Variants in SAAL1 observed in about 807,000 individuals in gnomAD.
SAAL1 encodes serum amyloid A like 1.
SAAL1 carries 42 observed loss-of-function variants against 59.8 expected under a neutral mutation model. That is an observed-to-expected ratio of 0.70 (90% CI 0.55 to 0.91). The LOEUF (loss-of-function observed/expected upper bound fraction) is 0.91, where lower values mean the gene tolerates loss of function less well. Among genes scored for constraint, SAAL1 ranks in the 40% least tolerant of loss-of-function variants. SAAL1 has a pLI of 0.00. For synonymous variants in SAAL1, 191 were observed against 194.3 expected, an observed-to-expected ratio of 0.98 and a Z score of 0.14; for missense variants, 542 against 561.1, an observed-to-expected ratio of 0.97 and a Z score of 0.34.
Position 18,083,561 on chromosome 11 carries a change from A to T in SAAL1, c.1213T>A (p.Ser405Thr). The change falls in exon 10 of 12, where the codon TCT becomes ACT. Residue 405 changes from serine (S) to threonine (T), a missense_variant. Physicochemically the swap from Ser to Thr is moderately conservative, Grantham distance 58. Coordinates refer to ENST00000524803, the MANE Select transcript of SAAL1 (RefSeq NM_138421.3). ...ILKDILCEFL[S>T]NIFQALTKET... is the part of the protein sequence containing the mutation. ...TTTGTTAATGCCTGAAAAATATTAG[A>T]AAGAAATTCACATAAAATATCCTTT... 6.3e-7 allele frequency: 1 copy of T among 1,585,502 alleles called. No individual in the cohort carries two copies. Among genetic ancestry groups the T allele is most frequent in the Non-Finnish European group, 8.6e-7 (1 of 1,156,290 alleles).
At chr11:18,105,527 T>C (rs1000105033) in intron 1 of SAAL1, among the ~76,000 whole-genome samples, 16 of 152,082 alleles carry the variant, frequency 1.1e-4, no homozygotes, top group African/African-American at 3.9e-4. Flanking sequence ...CCATTTATTC[T>C]ATTACAACGA....
At chr11:18,082,208 A>G (rs900511420) in intron 10 of SAAL1, among the ~76,000 whole-genome samples, 1 of 152,216 alleles carries the variant, frequency 6.6e-6, no homozygotes, top group African/African-American at 2.4e-5. Flanking sequence ...GAATGGGAAA[A>G]AAATACATGC....
At chr11:18,093,508 AAAG>A (rs1391480801) in intron 3 of SAAL1, among the ~76,000 whole-genome samples, 10 of 152,172 alleles carry the variant, frequency 6.6e-5, no homozygotes, top group Admixed American at 2.0e-4. Flanking sequence ...AAGAAGTTGA[AAAG>A]AACTTAAGAA....
intron 9 of SAAL1, among the ~76,000 whole-genome samples, chr11:18,084,827 G>A (rs990008005): frequency 3.3e-5 from 5 of 152,316 alleles, no homozygotes; most frequent in East Asian, 1.9e-4. Flanking sequence ...GTACAATGGC[G>A]TGATTTCAGC....
intron 7 of SAAL1, among the ~76,000 whole-genome samples, 200 bp downstream of exon 7, chr11:18,089,130 C>G (rs763533040): frequency 1.3e-5 from 2 of 152,102 alleles, no homozygotes; most frequent in Non-Finnish European, 2.9e-5. Flanking sequence ...TGAGTAACAG[C>G]CTATAGCTAA....
In SAAL1 at chr11:18,086,916, G is replaced by A. The variant is rs771003267; in HGVS notation, c.992C>T (p.Ser331Phe). 1.9e-6 allele frequency: 3 copies of A among 1,613,940 alleles called. No individual in the cohort carries two copies. Among genetic ancestry groups the A allele is most frequent in the African/African-American group, 1.3e-5 (1 of 74,926 alleles). ...TVLASVFSVL[S>F]AIYASQTEQE... ...CTCAGTCTGTGAGGCATAGATGGCAGACAACACTGAAAAAACAGAGGCTAG... is the reference window on the plus strand; with the variant it reads ...CTCAGTCTGTGAGGCATAGATGGCAAACAACACTGAAAAAACAGAGGCTAG... Residue 331 changes from serine to phenylalanine, a missense_variant, in exon 9 of 12, where the codon TCT becomes TTT. By Grantham distance (155) the Ser-to-Phe change is radical. Transcript: ENST00000524803.
At chr11:18,102,373 G>A (rs146664106) in intron 2 of SAAL1, among the ~76,000 whole-genome samples, 2 of 149,964 alleles carry the variant, frequency 1.3e-5, no homozygotes, top group East Asian at 3.9e-4. Flanking sequence ...CTGTACTCCA[G>A]CCTAGGTGAT....
Position 18,103,274 on chromosome 11 carries a change from C to T in SAAL1, c.208G>A (p.Glu70Lys). The change falls in exon 2 of 12, where the codon GAG (glutamate) becomes AAG (lysine). Residue 70 changes from glutamate to lysine, a missense_variant. Transcript: ENST00000524803. ...TCCCATACTCTGCAAATTTCATTCT[C>T]CATTTCTTCATCAAGCTCCGTCAGC... ...EQLTELDEEM[E>K]NEICRVWDMS... The T allele has an allele frequency of 6.2e-7, 1 of 1,614,018 alleles. No individual in the cohort carries two copies. Among genetic ancestry groups the T allele is most frequent in the Non-Finnish European group, 8.5e-7 (1 of 1,179,970 alleles).
intron 2 of SAAL1, among the ~76,000 whole-genome samples, chr11:18,099,953 G>C (rs1848618255): frequency 6.6e-6 from 1 of 152,196 alleles, no homozygotes; most frequent in East Asian, 1.9e-4. Flanking sequence ...GCTCAGTTCT[G>C]AGTGGTGCCT....
At chr11:18,093,891 G>T (rs548327736) in intron 3 of SAAL1, 1 of 152,328 alleles carries the variant, frequency 6.6e-6, no homozygotes, top group African/African-American at 2.4e-5. Flanking sequence ...AAAGGAGAAA[G>T]CAGTTGAACT....
chr11:18,103,470 C>T, intron 1 of SAAL1, 124 bp from the exon 2 acceptor site: 1 of 726,942 alleles, frequency 1.4e-6, no homozygotes, highest in Non-Finnish European at 2.4e-6. Flanking sequence ...AATTTGATTC[C>T]TGGCCAGGGC....
chr11:18,105,417 T>C (rs1387722765), intron 1 of SAAL1, among the ~76,000 whole-genome samples: 1 of 150,812 alleles, frequency 6.6e-6, no homozygotes, highest in Admixed American at 6.6e-5. Flanking sequence ...AAGCGATCCT[T>C]CCGCCTCGGC....
chr11:18,081,675 C>A, intron 10 of SAAL1, 172 bp from the exon 11 acceptor site: 1 of 593,720 alleles, frequency 1.7e-6, no homozygotes, highest in Non-Finnish European at 3.0e-6. Flanking sequence ...ATGTTCTCCA[C>A]TGTCGTCTTT....
At chr11:18,084,880 C>T (rs1590283640) in intron 9 of SAAL1, among the ~76,000 whole-genome samples, 1 of 152,270 alleles carries the variant, frequency 6.6e-6, no homozygotes, top group East Asian at 1.9e-4. Context: ...ACTCTCCTGC[C>T]TCAGCCTTCT....
intron 7 of SAAL1, 25 bp from the exon 8 acceptor site, chr11:18,087,250 G>A (rs371594924): frequency 7.7e-5 from 113 of 1,459,396 alleles, no homozygotes; most frequent in Middle Eastern, 1.9e-4. Context: ...TAAAAGCACT[G>A]AATCAACAAC....
intron 1 of SAAL1, among the ~76,000 whole-genome samples, chr11:18,103,609 G>A (rs1375913737): frequency 1.3e-5 from 2 of 152,198 alleles, no homozygotes; most frequent in African/African-American, 4.8e-5. Flanking sequence ...CCCAATCTGA[G>A]TGAGTGTGGG....
chr11:18,100,119 T>A (rs969503095), intron 2 of SAAL1, among the ~76,000 whole-genome samples: 37 of 152,216 alleles, frequency 2.4e-4, no homozygotes, highest in African/African-American at 7.5e-4. Context: ...TATTTCTTTT[T>A]AAAAAAATTT....
At position 18,106,034 on chromosome 11, in the gene SAAL1, C is replaced by T. The variant is rs752065692; in HGVS notation, c.8G>A (p.Arg3His). The T allele has an allele frequency of 6.2e-7, 1 of 1,602,590 alleles. No homozygotes were observed. Among genetic ancestry groups the T allele is most frequent in the Non-Finnish European group, 8.5e-7 (1 of 1,178,106 alleles). The change falls in exon 1 of 12, where the codon CGC becomes CAC. Residue 3 changes from arginine to histidine, a missense_variant. Physicochemically the swap from Arg to His is conservative, Grantham distance 29 (BLOSUM62 0). Transcript: ENST00000524803. ...ACCCGGCGGCGGCGGCGAGGGGTTG[C>T]GGTCCATGACTTTGTCGCGTCCCGC... is the stretch of plus-strand genomic sequence containing the variant. The part of the protein sequence containing the change: MD[R>H]NPSPPPPGRD...
rs1848433838 is a variant in SAAL1, at chr11:18,083,689, T to G, written c.1085A>C (p.Asn362Thr). Reference sequence around the variant, plus strand: ...TGGTTTTTTCTGACACTGTTCCATATTTTGTAAGACCCGAATGAGGCTGTC... The same window carrying G: ...TGGTTTTTTCTGACACTGTTCCATAGTTTGTAAGACCCGAATGAGGCTGTC... ...LIDSLIRVLQ[N>T]MEQCQKKPEN... The change falls in exon 10 of 12, where the codon AAT (asparagine) becomes ACT (threonine). Residue 362 changes from asparagine (N) to threonine (T), a missense_variant. Transcript: ENST00000524803. The G allele has an allele frequency of 6.2e-7, 1 of 1,611,550 alleles. No individual in the cohort carries two copies. The highest frequency in any genetic ancestry group is 8.5e-7 in the Non-Finnish European group (1 of 1,178,726).
Sources: gnomAD v4.1 joint callset for allele counts (sites outside exome capture counted in the v4.1 genomes callset) on GRCh38, gnomAD v4.1.1 for gene constraint, MANE v1.5 for transcripts, NCBI Gene and HGNC (gene_info 2026-07-23, HGNC 2026-07-21) for gene names.